The following BTBD7 variants were observed in gnomAD, a reference collection of about 807,000 sequenced individuals.
The protein encoded by BTBD7 is BTB domain containing 7, also known as BTB/POZ domain-containing protein 7.
Under a neutral mutation model 99.9 loss-of-function variants are expected in BTBD7, and 38 were observed. The observed-to-expected ratio is 0.38, with a 90% confidence interval of 0.29 to 0.50. The LOEUF (loss-of-function observed/expected upper bound fraction) is 0.50. BTBD7 is among the 20% of genes least tolerant of loss of function. The probability of loss-of-function intolerance (pLI) is 0.93; values close to 1 mark genes in which losing one functional copy is unlikely to be tolerated. For missense variants in BTBD7, 1,170 were observed against 1,394.6 expected, an observed-to-expected ratio of 0.84 and a Z score of 2.57; for synonymous variants, 520 against 511.4, an observed-to-expected ratio of 1.02 and a Z score of -0.23.
At chr14:93,329,546 T>C (rs1383069252) in intron 1 of BTBD7, among the ~76,000 whole-genome samples, 4 of 152,180 alleles carry the variant, frequency 2.6e-5, no homozygotes, top group African/African-American at 9.6e-5. Context: ...TGGATGCAAC[T>C]TAAGTGCCCA....
intron 3 of BTBD7, among the ~76,000 whole-genome samples, chr14:93,268,582 T>G: frequency 6.6e-6 from 1 of 152,124 alleles, no homozygotes; most frequent in East Asian, 1.9e-4. Context: ...AAGGGTGTAT[T>G]ATTATTACTA....
rs1275272400 is a variant in BTBD7 at position 93,333,016 on chromosome 14, T to C, written c.-303A>G. The C allele has an allele frequency of 1.1e-5, 6 of 525,694 alleles. No individual in the cohort carries two copies. Among genetic ancestry groups the C allele is most frequent in the African/African-American group, 2.0e-5 (1 of 49,098 alleles). 32.6% of individuals were successfully genotyped at this position (525,694 alleles called of 1,614,324 possible). ...TGCTCCAGGTTCCCCTCGCCGCCAT[T>C]TTGACTCCTAGACGGAGCAGGAGGG... On this transcript the variant is annotated 5_prime_UTR_variant, in exon 1 of 11. Coordinates refer to ENST00000334746, the MANE Select transcript of BTBD7 (RefSeq NM_001002860.4).
At chr14:93,326,382 G>A (rs2053331313) in intron 1 of BTBD7, among the ~76,000 whole-genome samples, 1 of 152,156 alleles carries the variant, frequency 6.6e-6, no homozygotes, top group African/African-American at 2.4e-5. Flanking sequence ...TGGAAAGACT[G>A]CTTGAGCCCA....
chr14:93,295,077 AC>A (rs777912279), intron 2 of BTBD7, 140 bp from the exon 3 acceptor site: 80 of 826,452 alleles, frequency 9.7e-5, no homozygotes, highest in Non-Finnish European at 1.3e-4. Context: ...ATAAAGGAAG[AC>A]AAAAAGTTCA....
Position 93,304,405 on chromosome 14 carries a change from G to A in BTBD7, c.-106-8248C>T, listed in dbSNP as rs1022201630. 8.4e-4 allele frequency among the ~76,000 whole-genome samples: 128 copies of A among 152,210 alleles called. 1 individual carries two copies. The highest frequency in any genetic ancestry group is 4.6e-4 in the Admixed American group (7 of 15,284). Reference sequence around the variant, plus strand: ...CTCGTGCTGTCGCCCAGGCTGGAGTGCAGTGGCGCAATCTTGGCTCACTGC... The same window carrying A: ...CTCGTGCTGTCGCCCAGGCTGGAGTACAGTGGCGCAATCTTGGCTCACTGC... On this transcript the variant is annotated intron_variant, in intron 1 of 10. Transcript: ENST00000334746.
chr14:93,242,084 A>G lies in BTBD7; in HGVS notation c.*189T>C, dbSNP rs1168279512. On this transcript the variant is annotated 3_prime_UTR_variant, in exon 11 of 11. Coordinates refer to ENST00000334746, the MANE Select transcript of BTBD7 (RefSeq NM_001002860.4). ...CAAAGACAAATTAGACAGATGCAAC[A>G]TTAAAAAAAAAAAACAAAACCTTCT... 1.8e-5 allele frequency: 10 copies of G among 570,966 alleles called. No homozygotes were observed. Among genetic ancestry groups the G allele is most frequent in the Non-Finnish European group, 3.0e-5 (10 of 330,200 alleles). 35.4% of individuals were successfully genotyped at this position (570,966 alleles called of 1,614,324 possible). A position where few individuals can be genotyped will look rare whatever the true frequency, so the allele number is the denominator to read the frequency against.
At chr14:93,288,403 T>C in intron 3 of BTBD7, 1 of 646,556 alleles carries the variant, frequency 1.5e-6, no homozygotes, top group Non-Finnish European at 2.7e-6. Context: ...ATATCTTTCA[T>C]TTCTGCTATC....
intron 3 of BTBD7, among the ~76,000 whole-genome samples, chr14:93,265,152 G>A (rs1177164055): frequency 6.6e-6 from 1 of 152,114 alleles, no homozygotes; most frequent in East Asian, 1.9e-4. Context: ...CACAGAAAGG[G>A]CGTAAATAAA....
rs960276141 is a variant in BTBD7 at position 93,242,795 on chromosome 14, A to G, written c.2877T>C (p.Ala959=). Residue 959 remains alanine (A), a synonymous_variant, in exon 11 of 11, where the codon GCT becomes GCC. Transcript: ENST00000334746. ...AAGGGGAAGGGGTGCGTCTGCTGAG[A>G]GCAGGAGTAGAAGGTCTGCAAGCAG... ...SNAACRPSTP[A]LSRRTPSPSQ... The G allele has an allele frequency of 6.2e-7, 1 of 1,614,082 alleles. No homozygotes were observed. The highest frequency in any genetic ancestry group is 8.5e-7 in the Non-Finnish European group (1 of 1,180,046).
intron 3 of BTBD7, among the ~76,000 whole-genome samples, chr14:93,283,101 A>G (rs1230960071): frequency 1.3e-5 from 2 of 152,134 alleles, no homozygotes; most frequent in African/African-American, 2.4e-5. Context: ...GTTTTGAGAC[A>G]TGGTCTGGCT....
In BTBD7 at chr14:93,332,872, TCCGCCGCCG is replaced by T; in HGVS notation, c.-168_-160del. On this transcript the variant is annotated 5_prime_UTR_variant, in exon 1 of 11. Coordinates refer to ENST00000334746, the MANE Select transcript of BTBD7 (RefSeq NM_001002860.4). Reference sequence around the variant, plus strand: ...TGCCGCTGGGACCGCTGCCGTCGCCTCCGCCGCCGCCGCCACCAGCACCGCCGTCCGCAC... The same window carrying T: ...TGCCGCTGGGACCGCTGCCGTCGCCTCCGCCACCAGCACCGCCGTCCGCAC... The T allele has an allele frequency of 6.8e-7, 1 of 1,466,432 alleles. No homozygotes were observed. The highest frequency in any genetic ancestry group is 1.3e-5 in the South Asian group (1 of 78,060). The allele number at this position is 1,466,432 out of a possible 1,614,324, so 90.8% of individuals were successfully genotyped here. A position where few individuals can be genotyped will look rare whatever the true frequency, so the allele number is the denominator to read the frequency against.
chr14:93,239,062 A>C lies in BTBD7; in HGVS notation c.*3211T>G, dbSNP rs1286321976. 1 of 152,208 alleles carries C rather than the reference A, an allele frequency of 6.6e-6. No individual in the cohort carries two copies. Among genetic ancestry groups the C allele is most frequent in the Non-Finnish European group, 1.5e-5 (1 of 68,028 alleles). 9.4% of individuals were successfully genotyped at this position (152,208 alleles called of 1,614,324 possible). ...GACATGTTCCCAGAAATAAAGCTAA[A>C]GGGGGCATGTGAGAACGGGCGTGGA... On this transcript the variant is annotated 3_prime_UTR_variant, in exon 11 of 11. Coordinates refer to ENST00000334746, the MANE Select transcript of BTBD7 (RefSeq NM_001002860.4).
At chr14:93,303,355 G>A (rs551961706) in intron 1 of BTBD7, among the ~76,000 whole-genome samples, 1 of 152,050 alleles carries the variant, frequency 6.6e-6, no homozygotes, top group East Asian at 1.9e-4. Context: ...TGTAATCCTG[G>A]CACTTCAGGA....
At chr14:93,308,241 C>G (rs567849268) in intron 1 of BTBD7, among the ~76,000 whole-genome samples, 1 of 148,720 alleles carries the variant, frequency 6.7e-6, no homozygotes, top group Non-Finnish European at 1.5e-5. Context: ...GAGCTGAGAT[C>G]GCACCACTGC....
chr14:93,324,989 T>C (rs2053311705), intron 1 of BTBD7, among the ~76,000 whole-genome samples: 1 of 152,068 alleles, frequency 6.6e-6, no homozygotes, highest in African/African-American at 2.4e-5. Context: ...AGAAACAGCA[T>C]GGCTGGAGTG....
chr14:93,258,219 G>A (rs1460935367), intron 5 of BTBD7, among the ~76,000 whole-genome samples: 2 of 151,680 alleles, frequency 1.3e-5, no homozygotes, highest in African/African-American at 4.8e-5. Flanking sequence ...GTGTGTGTGT[G>A]TATGAGAGAG....
chr14:93,302,777 C>T (rs1173474911), intron 1 of BTBD7, among the ~76,000 whole-genome samples: 2 of 151,844 alleles, frequency 1.3e-5, no homozygotes, highest in African/African-American at 2.4e-5. Context: ...CCCAGGAGGA[C>T]GAGATTGCAG....
Position 93,248,741 on chromosome 14 carries a change from T to C in BTBD7, c.1943-87A>G, listed in dbSNP as rs1186614960. The C allele has an allele frequency of 5.0e-6, 6 of 1,199,212 alleles. No individual in the cohort carries two copies. The East Asian group carries it at 1.6e-4, about 31-fold the overall frequency. The allele number at this position is 1,199,212 out of a possible 1,614,324, so 74.3% of individuals were successfully genotyped here. A position where few individuals can be genotyped will look rare whatever the true frequency, so the allele number is the denominator to read the frequency against. On this transcript the variant is annotated intron_variant, in intron 8 of 10. Coordinates refer to ENST00000334746, the MANE Select transcript of BTBD7 (RefSeq NM_001002860.4). Reference sequence around the variant, plus strand: ...AGCCCAAGGGAAAAAAGCATGTATTTCATACCAGAATCTTATAAGTTTTTA... The same window carrying C: ...AGCCCAAGGGAAAAAAGCATGTATTCCATACCAGAATCTTATAAGTTTTTA...
intron 3 of BTBD7, among the ~76,000 whole-genome samples, chr14:93,279,160 G>A (rs2052689747): frequency 6.6e-6 from 1 of 152,026 alleles, no homozygotes; most frequent in Non-Finnish European, 1.5e-5. Flanking sequence ...ATGTAATCAG[G>A]CCACAAGATT....
Sources: gnomAD v4.1 joint callset for allele counts (sites outside exome capture counted in the v4.1 genomes callset) on GRCh38, gnomAD v4.1.1 for gene constraint, MANE v1.5 for transcripts, NCBI Gene and HGNC (gene_info 2026-07-23, HGNC 2026-07-21) for gene names.